LSM6: variants seen among roughly 807,000 people sequenced by gnomAD.
LSM6 encodes LSM6 homolog, U6 small nuclear RNA and mRNA degradation associated.
A neutral mutation model predicts 13.5 loss-of-function variants in LSM6; 2 were observed. The observed-to-expected ratio is 0.15, with a 90% CI of 0.06 to 0.47. The LOEUF (loss-of-function observed/expected upper bound fraction) is 0.47, where lower values mean the gene tolerates loss of function less well. LSM6 is among the 20% of genes least tolerant of loss of function. The probability of loss-of-function intolerance (pLI) is 0.97; values close to 1 mark genes in which losing one functional copy is unlikely to be tolerated. For synonymous variants in LSM6, 43 were observed against 34.9 expected, an observed-to-expected ratio of 1.23 and a Z score of -0.82; for missense variants, 58 against 96.4, an observed-to-expected ratio of 0.60 and a Z score of 1.67.
intron 2 of LSM6, 51 bp downstream of exon 2, chr4:146,183,066 G>T: frequency 7.7e-7 from 1 of 1,291,146 alleles, no homozygotes; most frequent in South Asian, 1.2e-5. Flanking sequence ...AAGTAAATGT[G>T]ACTTACTGAT....
chr4:146,189,851 A>C lies in LSM6; in HGVS notation c.*195A>C. The C allele has an allele frequency of 1.9e-6, 1 of 519,544 alleles. No homozygotes were observed. 32.2% of individuals were successfully genotyped at this position (519,544 alleles called of 1,614,324 possible). A position where few individuals can be genotyped will look rare whatever the true frequency, so the allele number is the denominator to read the frequency against. On this transcript the variant is annotated 3_prime_UTR_variant, in exon 4 of 4. Coordinates refer to ENST00000296581, the MANE Select transcript of LSM6 (RefSeq NM_007080.3). Reference sequence around the variant, plus strand: ...GTTCTTTCACTTGTAAGTTTCAGTCATTTTCTTTTACCTCGTTGTCAGTGT... The same window carrying C: ...GTTCTTTCACTTGTAAGTTTCAGTCCTTTTCTTTTACCTCGTTGTCAGTGT...
chr4:146,179,440 CAG>C (rs1730183288), intron 1 of LSM6, among the ~76,000 whole-genome samples: 1 of 152,158 alleles, frequency 6.6e-6, no homozygotes, highest in African/African-American at 2.4e-5. Flanking sequence ...CATTAAGTAA[CAG>C]GGAGTAGCAA....
At chr4:146,187,029 G>C (rs997785904) in intron 2 of LSM6, among the ~76,000 whole-genome samples, 1 of 152,182 alleles carries the variant, frequency 6.6e-6, no homozygotes, top group Non-Finnish European at 1.5e-5. Flanking sequence ...TACGTACCAT[G>C]AGGGAAGTGA....
chr4:146,185,967 C>A lies in LSM6; in HGVS notation c.95-1307C>A, dbSNP rs534591510. Among the ~76,000 whole-genome samples, 4 of 152,284 alleles carry A rather than the reference C, an allele frequency of 2.6e-5. No homozygotes were observed. The East Asian group carries it at 5.8e-4, about 22-fold the overall frequency. ...AGCCAGGCTGATCTTGAACTCCTGA[C>A]CTCAAGTGATCTGCCAGCTTCTACC... On this transcript the variant is annotated intron_variant, in intron 2 of 3. Transcript: ENST00000296581.
intron 1 of LSM6, chr4:146,181,223 C>T (rs181938760): frequency 2.6e-5 from 4 of 151,112 alleles, no homozygotes; most frequent in African/African-American, 9.7e-5. Flanking sequence ...AAATGATAGC[C>T]CAAAATTCAA....
At position 146,190,431 on chromosome 4, in the gene LSM6, A is replaced by C. The variant is rs1242252333; in HGVS notation, c.*775A>C. The C allele has an allele frequency of 6.6e-6, 1 of 152,220 alleles. No individual in the cohort carries two copies. Among genetic ancestry groups the C allele is most frequent in the Non-Finnish European group, 1.5e-5 (1 of 68,046 alleles). The allele number at this position is 152,220 out of a possible 1,614,324, so 9.4% of individuals were successfully genotyped here. On this transcript the variant is annotated 3_prime_UTR_variant, in exon 4 of 4. Coordinates refer to ENST00000296581, the MANE Select transcript of LSM6 (RefSeq NM_007080.3). ...AGTAGGGGAGGGGCCATTCCTGTAC[A>C]TCTCTCACAGTCAGATTAAAGCAAA...
At chr4:146,181,474 T>C (rs1216681696) in intron 1 of LSM6, among the ~76,000 whole-genome samples, 3 of 152,184 alleles carry the variant, frequency 2.0e-5, no homozygotes, top group Admixed American at 1.3e-4. Context: ...TAACCTAGAG[T>C]TCCAGCTTAC....
intron 2 of LSM6, among the ~76,000 whole-genome samples, chr4:146,186,902 A>T (rs1053929949): frequency 6.6e-6 from 1 of 152,234 alleles, no homozygotes; most frequent in Non-Finnish European, 1.5e-5. Flanking sequence ...GGAACCAAGG[A>T]TCATTTGTTT....
chr4:146,176,850 T>A (rs1730121613), intron 1 of LSM6, among the ~76,000 whole-genome samples: 1 of 152,180 alleles, frequency 6.6e-6, no homozygotes, highest in South Asian at 2.1e-4. Context: ...TTTTTTAGAT[T>A]ATTTCCTTGG....
chr4:146,183,075 A>G, intron 2 of LSM6, 60 bp downstream of exon 2: 1 of 1,233,820 alleles, frequency 8.1e-7, no homozygotes. Context: ...TGACTTACTG[A>G]TATTTATTAA....
intron 2 of LSM6, among the ~76,000 whole-genome samples, chr4:146,186,238 C>G (rs535953091): frequency 5.3e-5 from 8 of 152,122 alleles, no homozygotes; most frequent in Non-Finnish European, 1.2e-4. Flanking sequence ...TGAGAGTTTA[C>G]CGCTTTTAGC....
At chr4:146,177,248 T>A (rs1460473095) in intron 1 of LSM6, among the ~76,000 whole-genome samples, 3 of 152,218 alleles carry the variant, frequency 2.0e-5, no homozygotes, top group African/African-American at 7.2e-5. Context: ...AAGTGAGTAC[T>A]CTGTGCTGTA....
intron 1 of LSM6, among the ~76,000 whole-genome samples, chr4:146,177,017 TTGTGTTTGTGGTG>T (rs958380706): frequency 7.2e-6 from 1 of 139,756 alleles, no homozygotes; most frequent in Non-Finnish European, 1.6e-5. Context: ...CTTGAGAGGC[TTGTGTTTGTGGTG>T]TGTGTGTGTG....
chr4:146,186,463 CAGAATT>C (rs1483943210), intron 2 of LSM6, among the ~76,000 whole-genome samples: 1 of 151,938 alleles, frequency 6.6e-6, no homozygotes, highest in African/African-American at 2.4e-5. Flanking sequence ...AAATTAGAGA[CAGAATT>C]AGAGGCTTAC....
chr4:146,186,139 A>G lies in LSM6; in HGVS notation c.95-1135A>G, dbSNP rs568068328. Among the ~76,000 whole-genome samples, 7 of 152,344 alleles carry G rather than the reference A, an allele frequency of 4.6e-5. No homozygotes were observed. In the East Asian group the frequency reaches 1.3e-3, roughly 29 times the overall value. ...TTTATAATTGCAGTTTGTATGTAAA[A>G]TAGTACAGCAGGAAACGAGCTAAAG... On this transcript the variant is annotated intron_variant, in intron 2 of 3. Transcript: ENST00000296581.
intron 1 of LSM6, among the ~76,000 whole-genome samples, chr4:146,181,695 T>C (rs748024417): frequency 6.6e-6 from 1 of 152,222 alleles, no homozygotes; most frequent in African/African-American, 2.4e-5. Context: ...CCTTAAAATA[T>C]TGTATCCATA....
At position 146,189,364 on chromosome 4, in the gene LSM6, A is replaced by C. The variant is rs150211110; in HGVS notation, c.209-258A>C. Among the ~76,000 whole-genome samples the C allele has an allele frequency of 3.3e-3, 504 of 152,268 alleles. 5 individuals carry two copies. The highest frequency in any genetic ancestry group is 0.011 in the African/African-American group (452 of 41,550). ...TACCAGGGACTTTCACATATATTTT[A>C]TTTTATCTTCCTGGTCACACTTTAA... On this transcript the variant is annotated intron_variant, in intron 3 of 3. Coordinates refer to ENST00000296581, the MANE Select transcript of LSM6 (RefSeq NM_007080.3).
chr4:146,180,511 A>G (rs1730209642), intron 1 of LSM6, among the ~76,000 whole-genome samples: 2 of 152,250 alleles, frequency 1.3e-5, no homozygotes, highest in Non-Finnish European at 2.9e-5. Context: ...AAAATAACCT[A>G]TACTGTCAAG....
intron 1 of LSM6, among the ~76,000 whole-genome samples, chr4:146,180,573 C>G (rs995897139): frequency 2.6e-5 from 4 of 152,256 alleles, no homozygotes; most frequent in African/African-American, 9.6e-5. Flanking sequence ...TTAACTCTTT[C>G]CAGCTTTTGC....
Sources: gnomAD v4.1 joint callset for allele counts (sites outside exome capture counted in the v4.1 genomes callset) on GRCh38, gnomAD v4.1.1 for gene constraint, MANE v1.5 for transcripts, NCBI Gene and HGNC (gene_info 2026-07-23, HGNC 2026-07-21) for gene names.